The following RANBP17 variants were observed in gnomAD, a reference collection of about 807,000 sequenced individuals.
The protein encoded by RANBP17 is RAN binding protein 17.
Under a neutral mutation model 141.2 loss-of-function variants are expected in RANBP17, and 158 were observed. The observed-to-expected ratio is 1.12, with a 90% CI of 0.98 to 1.28. The LOEUF is 1.28. RANBP17 is among the 50% of genes most tolerant of loss of function. RANBP17 has a pLI of 0.00. For synonymous variants in RANBP17, 430 were observed against 450.0 expected (o/e 0.96, Z 0.56); for missense variants, 1,438 against 1,290.7 (o/e 1.11, Z -1.75).
chr5:171,255,558 T>G (rs1401985522), intron 24 of RANBP17, among the ~76,000 whole-genome samples: 1 of 152,186 alleles, frequency 6.6e-6, no homozygotes, highest in East Asian at 1.9e-4. Flanking sequence ...GTATGATTTG[T>G]AAGGGGAGGG....
At chr5:170,863,290 GC>G (rs139986557) in intron 1 of RANBP17, among the ~76,000 whole-genome samples, 4 of 152,294 alleles carry the variant, frequency 2.6e-5, no homozygotes, top group African/African-American at 9.6e-5. Flanking sequence ...GCAGTGGGTG[GC>G]AGGAGATGAC....
chr5:171,269,051 A>T (rs1431474597), intron 25 of RANBP17, among the ~76,000 whole-genome samples: 1 of 152,126 alleles, frequency 6.6e-6, no homozygotes, highest in Non-Finnish European at 1.5e-5. Flanking sequence ...CTTTCTATTT[A>T]TTTGGAATGT....
chr5:171,261,762 T>C (rs1766344347), intron 24 of RANBP17, among the ~76,000 whole-genome samples: 1 of 152,176 alleles, frequency 6.6e-6, no homozygotes, highest in South Asian at 2.1e-4. Context: ...GGACAAAATA[T>C]GAAAATTCAT....
At chr5:170,934,241 G>C (rs1773662908) in intron 12 of RANBP17, among the ~76,000 whole-genome samples, 1 of 152,090 alleles carries the variant, frequency 6.6e-6, no homozygotes, top group Non-Finnish European at 1.5e-5. Flanking sequence ...TGCAACCCCT[G>C]CTTTTTTTGT....
chr5:170,903,726 C>T (rs1221678191), intron 5 of RANBP17: 1 of 310,610 alleles, frequency 3.2e-6, no homozygotes, highest in African/African-American at 2.2e-5. Flanking sequence ...CAAAGTCGAC[C>T]TCATAGTGAA....
rs1448963158 is a variant in RANBP17 at position 171,042,207 on chromosome 5, A to G, written c.1710+73830A>G. On this transcript the variant is annotated intron_variant, in intron 14 of 27. Coordinates refer to ENST00000523189, the MANE Select transcript of RANBP17 (RefSeq NM_022897.5). ...AAAAATACACTTATATTTTTCATAG[A>G]TCCTAGGCCTATACAGGGTCAGGAT... Among the ~76,000 whole-genome samples the G allele has an allele frequency of 2.0e-5, 3 of 152,212 alleles. No individual in the cohort carries two copies. The South Asian group carries it at 6.2e-4, about 32-fold the overall frequency.
chr5:171,065,956 G>A (rs762829845), intron 14 of RANBP17, among the ~76,000 whole-genome samples: 11 of 151,802 alleles, frequency 7.2e-5, no homozygotes, highest in Non-Finnish European at 1.0e-4. Context: ...TGCCTCCCGG[G>A]TTCAAGTGAT....
At chr5:171,084,240 C>T (rs1312403903) in intron 14 of RANBP17, among the ~76,000 whole-genome samples, 3 of 150,010 alleles carry the variant, frequency 2.0e-5, no homozygotes, top group Non-Finnish European at 4.4e-5. Context: ...CGATAGTTTA[C>T]TGAGAATGAT....
intron 14 of RANBP17, among the ~76,000 whole-genome samples, chr5:170,970,311 A>G (rs939341419): frequency 4.6e-5 from 7 of 152,006 alleles, no homozygotes; most frequent in African/African-American, 1.4e-4. Flanking sequence ...TTAACAATTA[A>G]TGCGTGCTTA....
chr5:171,140,589 G>C (rs1477681152), intron 14 of RANBP17, among the ~76,000 whole-genome samples: 1 of 152,114 alleles, frequency 6.6e-6, no homozygotes, highest in Non-Finnish European at 1.5e-5. Context: ...TTTTCTGTTT[G>C]AGAACAGGTC....
At chr5:171,024,844 G>A (rs572877386) in intron 14 of RANBP17, among the ~76,000 whole-genome samples, 1 of 150,290 alleles carries the variant, frequency 6.7e-6, no homozygotes, top group African/African-American at 2.5e-5. Context: ...TTCAATTACT[G>A]TCTATTTCCT....
intron 24 of RANBP17, among the ~76,000 whole-genome samples, chr5:171,263,753 G>A (rs1290497247): frequency 6.6e-6 from 1 of 152,110 alleles, no homozygotes; most frequent in African/African-American, 2.4e-5. Context: ...TGTTTTGAGT[G>A]CCCATTGTGA....
intron 25 of RANBP17, chr5:171,271,200 A>G (rs576999292): frequency 1.1e-5 from 2 of 185,554 alleles, no homozygotes; most frequent in Non-Finnish European, 2.2e-5. Context: ...TTAAGCTGAA[A>G]GAACATTCAC....
intron 8 of RANBP17, among the ~76,000 whole-genome samples, chr5:170,915,470 C>T (rs962958421): frequency 1.7e-4 from 26 of 152,158 alleles, no homozygotes; most frequent in East Asian, 7.7e-4. Flanking sequence ...GTTTTTAGTA[C>T]GCTAGTGGTT....
chr5:171,045,720 A>G (rs1782538708), intron 14 of RANBP17, among the ~76,000 whole-genome samples: 1 of 152,194 alleles, frequency 6.6e-6, no homozygotes, highest in Admixed American at 6.5e-5. Context: ...TAAAATTCAC[A>G]TTTCCATCTT....
chr5:170,997,655 A>G (rs191110037), intron 14 of RANBP17, among the ~76,000 whole-genome samples: 53 of 152,332 alleles, frequency 3.5e-4, no homozygotes, highest in African/African-American at 1.2e-3. Context: ...AGAAAAGCGT[A>G]TACTAATCCA....
chr5:171,177,013 C>T (rs1241708929), intron 16 of RANBP17, among the ~76,000 whole-genome samples: 1 of 152,136 alleles, frequency 6.6e-6, no homozygotes, highest in Admixed American at 6.5e-5. Context: ...TTTTGTGAAA[C>T]AGTATTAAAA....
At chr5:171,152,568 C>G (rs1478889958) in intron 14 of RANBP17, among the ~76,000 whole-genome samples, 2 of 152,148 alleles carry the variant, frequency 1.3e-5, no homozygotes, top group Non-Finnish European at 2.9e-5. Context: ...GACATCAAGC[C>G]AGTACTCTGG....
At chr5:170,916,224 ATATTGCAT>A (rs1771945614) in intron 8 of RANBP17, among the ~76,000 whole-genome samples, 5 of 22,614 alleles carry the variant, frequency 2.2e-4, no homozygotes, top group African/African-American at 5.6e-4. Context: ...GTTATATTCT[ATATTGCAT>A]TATAATGCGT....
Sources: gnomAD v4.1 joint callset for allele counts (sites outside exome capture counted in the v4.1 genomes callset) on GRCh38, gnomAD v4.1.1 for gene constraint, MANE v1.5 for transcripts, NCBI Gene and HGNC (gene_info 2026-07-23, HGNC 2026-07-21) for gene names.